TXNDC16: variants seen among roughly 807,000 people sequenced by gnomAD.
TXNDC16 encodes the protein thioredoxin domain-containing protein 16.
A neutral mutation model predicts 85.6 loss-of-function variants in TXNDC16; 74 were observed. The ratio of observed to expected loss-of-function variants is 0.86; its 90% CI spans 0.72 to 1.05. The LOEUF (loss-of-function observed/expected upper bound fraction) is 1.05. Ranked by LOEUF, TXNDC16 falls within the 50% of genes least tolerant of loss-of-function variation. The pLI, the probability that TXNDC16 is intolerant of heterozygous loss-of-function variation, is 0.00. For missense variants in TXNDC16, 959 were observed against 947.0 expected, an observed-to-expected ratio of 1.01 and a Z score of -0.17; for synonymous variants, 335 against 326.5, an observed-to-expected ratio of 1.03 and a Z score of -0.28.
chr14:52,456,400 A>G (rs1348440857), intron 17 of TXNDC16, among the ~76,000 whole-genome samples: 1 of 152,192 alleles, frequency 6.6e-6, no homozygotes, highest in Non-Finnish European at 1.5e-5. Flanking sequence ...TATGAAAATC[A>G]GTGATTTCAC....
chr14:52,536,906 C>A, intron 5 of TXNDC16, 113 bp from the exon 6 acceptor site: 1 of 866,794 alleles, frequency 1.2e-6, no homozygotes, highest in South Asian at 1.7e-5. Flanking sequence ...GATGTTACAG[C>A]TGTGTCTTGT....
chr14:52,543,865 AGAGT>A (rs1162851852), intron 2 of TXNDC16, among the ~76,000 whole-genome samples: 2 of 152,186 alleles, frequency 1.3e-5, no homozygotes, highest in Middle Eastern at 3.2e-3. Flanking sequence ...TCAATTTAGT[AGAGT>A]GTGTTAAGCT....
intron 6 of TXNDC16, among the ~76,000 whole-genome samples, chr14:52,528,008 A>T (rs1304315979): frequency 6.6e-6 from 1 of 152,166 alleles, no homozygotes; most frequent in African/African-American, 2.4e-5. Flanking sequence ...AAAAAGGTAC[A>T]TAATTGACAA....
intron 16 of TXNDC16, among the ~76,000 whole-genome samples, chr14:52,461,343 A>T (rs1416045184): frequency 6.6e-6 from 1 of 152,054 alleles, no homozygotes; most frequent in Non-Finnish European, 1.5e-5. Flanking sequence ...TTTATTAACA[A>T]ATCTAAATAT....
rs76643971 is a variant in TXNDC16, at chr14:52,539,270, G to A, written c.244-1598C>T. 9.2e-5 allele frequency among the ~76,000 whole-genome samples: 14 copies of A among 152,300 alleles called. No individual in the cohort carries two copies. In the East Asian group the frequency reaches 2.1e-3, roughly 23 times the overall value. ...TCTGAAAAAGTGACATTTGCACAAA[G>A]AACTGAAGAAATGCAGTAATGCATA... On this transcript the variant is annotated intron_variant, in intron 4 of 20. Transcript: ENST00000281741.
At position 52,543,444 on chromosome 14, in the gene TXNDC16, A is replaced by C. The variant is rs2037876275; in HGVS notation, c.114T>G (p.Ser38Arg). 1 of 1,613,218 alleles carries C rather than the reference A, an allele frequency of 6.2e-7. No individual in the cohort carries two copies. The highest frequency in any genetic ancestry group is 1.3e-5 in the African/African-American group (1 of 74,900). ...AAGAGGCTTTTCCTGGTTGCAATGT[A>C]CTAAAATATTTCTGAGGACTCAGTT... Reference protein sequence around the residue: ...LPELSPQKYFSTLQPGKASLA... With the variant: ...LPELSPQKYFRTLQPGKASLA... The change falls in exon 3 of 21, where the codon AGT becomes AGG. Residue 38 changes from serine (S) to arginine (R), a missense_variant. Coordinates refer to ENST00000281741, the MANE Select transcript of TXNDC16 (RefSeq NM_020784.3).
intron 18 of TXNDC16, among the ~76,000 whole-genome samples, chr14:52,448,013 G>GAA (rs967555356): frequency 1.5e-5 from 2 of 134,860 alleles, no homozygotes; most frequent in African/African-American, 5.4e-5. Flanking sequence ...AAAGAAAAAT[G>GAA]AAAAAAAAAA....
rs2140143902 is a variant in TXNDC16 at position 52,482,088 on chromosome 14, C to T, written c.1312+142G>A. ...ATGCTCCTAAGCACTCTTGAAACTC[C>T]TGGTTCATTAACTTAACCCTGGAGA... is the stretch of plus-strand genomic sequence containing the variant. On this transcript the variant is annotated intron_variant, in intron 14 of 20. Transcript: ENST00000281741. 3 of 656,710 alleles carry T rather than the reference C, an allele frequency of 4.6e-6. No individual in the cohort carries two copies. In the South Asian group the frequency reaches 7.5e-5, roughly 16 times the overall value. The allele number at this position is 656,710 out of a possible 1,614,324, so 40.7% of individuals were successfully genotyped here.
Position 52,482,910 on chromosome 14 carries a change from T to C in TXNDC16, c.1164A>G (p.Leu388=), listed in dbSNP as rs1352601492. The C allele has an allele frequency of 4.3e-6, 7 of 1,611,880 alleles. No homozygotes were observed. The highest frequency in any genetic ancestry group is 5.1e-6 in the Non-Finnish European group (6 of 1,179,448). Residue 388 remains leucine, a synonymous_variant, in exon 13 of 21, where the codon TTA becomes TTG. Coordinates refer to ENST00000281741, the MANE Select transcript of TXNDC16 (RefSeq NM_020784.3). The part of the protein sequence containing the change: ...ETVFRDRKRK[L]PLELTVELTE... ...TTAGTTCCACTGTAAGTTCCAAAGG[T>C]AATTTTCTCTTCCTATCTCTGAAAA...
At chr14:52,464,399 T>C (rs1461023163) in intron 16 of TXNDC16, among the ~76,000 whole-genome samples, 1 of 152,220 alleles carries the variant, frequency 6.6e-6, no homozygotes, top group Non-Finnish European at 1.5e-5. Context: ...GTTTTTACAC[T>C]GTTTTCAATG....
At chr14:52,438,038 C>T (rs1409702274) in intron 20 of TXNDC16, among the ~76,000 whole-genome samples, 2 of 152,026 alleles carry the variant, frequency 1.3e-5, no homozygotes, top group African/African-American at 4.8e-5. Flanking sequence ...AGAAGTGGTG[C>T]CTGAAGGTGA....
chr14:52,483,921 G>A lies in TXNDC16; in HGVS notation c.1109-956C>T, dbSNP rs75004891. ...GAACATGAAAACATGAACATGAAAA[G>A]GAAAATAAAACTCAGGTAGGCAGAG... On this transcript the variant is annotated intron_variant, in intron 12 of 20. Coordinates refer to ENST00000281741, the MANE Select transcript of TXNDC16 (RefSeq NM_020784.3). Among the ~76,000 whole-genome samples, 736 of 152,222 alleles carry A rather than the reference G, an allele frequency of 4.8e-3. 14 individuals are homozygous for A. The highest frequency in any genetic ancestry group is 0.039 in the Admixed American group (598 of 15,280).
chr14:52,454,363 T>C (rs891227382), intron 18 of TXNDC16, among the ~76,000 whole-genome samples: 1 of 149,778 alleles, frequency 6.7e-6, no homozygotes, highest in Non-Finnish European at 1.5e-5. Context: ...CAGGCGGAGG[T>C]TGCAGTGAGC....
chr14:52,471,313 T>C (rs1207532424), intron 14 of TXNDC16, among the ~76,000 whole-genome samples: 2 of 152,234 alleles, frequency 1.3e-5, no homozygotes, highest in African/African-American at 4.8e-5. Context: ...CTGCCACTAC[T>C]CAAGTTGTCG....
At chr14:52,450,088 C>T (rs2035372683) in intron 18 of TXNDC16, among the ~76,000 whole-genome samples, 1 of 151,790 alleles carries the variant, frequency 6.6e-6, no homozygotes, top group South Asian at 2.1e-4. Context: ...TAATAAAGAT[C>T]AGGGCAGAAA....
At chr14:52,443,822 C>G (rs1289071895) in intron 18 of TXNDC16, among the ~76,000 whole-genome samples, 3 of 152,028 alleles carry the variant, frequency 2.0e-5, no homozygotes, top group African/African-American at 4.8e-5. Context: ...GTGGAAGGAC[C>G]CTACTCTTTC....
chr14:52,484,203 G>GA (rs1236606825), intron 12 of TXNDC16, among the ~76,000 whole-genome samples: 1 of 150,668 alleles, frequency 6.6e-6, no homozygotes, highest in African/African-American at 2.4e-5. Context: ...CAATAAGGGG[G>GA]GGGGGTGATT....
At chr14:52,457,407 AT>A (rs1202194206) in intron 16 of TXNDC16, among the ~76,000 whole-genome samples, 1 of 152,204 alleles carries the variant, frequency 6.6e-6, no homozygotes, top group Non-Finnish European at 1.5e-5. Flanking sequence ...TCCAAAACAA[AT>A]GTACTCTAAA....
intron 18 of TXNDC16, among the ~76,000 whole-genome samples, chr14:52,450,425 T>C (rs1282989506): frequency 2.7e-5 from 4 of 150,318 alleles, no homozygotes; most frequent in Non-Finnish European, 5.9e-5. Context: ...AACAAGGAGA[T>C]TGAAGCTATA....
Sources: allele counts gnomAD v4.1 joint callset (sites outside exome capture counted in the v4.1 genomes callset), GRCh38; gene constraint gnomAD v4.1.1; transcripts MANE v1.5; gene names NCBI Gene and HGNC (gene_info 2026-07-23, HGNC 2026-07-21).